CCDC178: variants seen among roughly 807,000 people sequenced by gnomAD.
The protein encoded by CCDC178 is coiled-coil domain-containing protein 178.
A neutral mutation model predicts 117.4 loss-of-function variants in CCDC178; 126 were observed. The ratio of observed to expected loss-of-function variants is 1.07; its 90% confidence interval spans 0.93 to 1.24. The LOEUF (loss-of-function observed/expected upper bound fraction) is 1.24, where lower values mean the gene tolerates loss of function less well. CCDC178 is among the 50% of genes most tolerant of loss of function. The pLI is 0.00. For synonymous variants in CCDC178, 283 were observed against 313.4 expected, an observed-to-expected ratio of 0.90 and a Z score of 1.02; for missense variants, 1,030 against 986.9, an observed-to-expected ratio of 1.04 and a Z score of -0.59.
At chr18:33,329,880 TGTG>T (rs1568151774) in intron 10 of CCDC178, among the ~76,000 whole-genome samples, 539 of 40,290 alleles carry the variant, frequency 0.013, 7 homozygotes, top group African/African-American at 0.027. Context: ...TATTAGAGTG[TGTG>T]TGTGTGTGTG....
At chr18:33,129,931 T>C (rs937341280) in intron 20 of CCDC178, among the ~76,000 whole-genome samples, 1 of 152,008 alleles carries the variant, frequency 6.6e-6, no homozygotes, top group Admixed American at 6.6e-5. Context: ...TTTCATAATA[T>C]AAAAATTATA....
chr18:33,160,239 A>G (rs1009482782), intron 20 of CCDC178, among the ~76,000 whole-genome samples: 3 of 152,148 alleles, frequency 2.0e-5, no homozygotes, highest in African/African-American at 7.2e-5. Context: ...TTTATTATTC[A>G]TCTTCTACGA....
At chr18:33,158,171 A>G (rs1388010573) in intron 20 of CCDC178, among the ~76,000 whole-genome samples, 1 of 152,160 alleles carries the variant, frequency 6.6e-6, no homozygotes, top group African/African-American at 2.4e-5. Context: ...CACTGATCTC[A>G]AGACTTTCCT....
chr18:33,104,382 T>C (rs1439300216), intron 20 of CCDC178, among the ~76,000 whole-genome samples: 2 of 151,830 alleles, frequency 1.3e-5, no homozygotes, highest in African/African-American at 4.8e-5. Context: ...ACCGAATTCA[T>C]GGTTGTTTCT....
intron 11 of CCDC178, among the ~76,000 whole-genome samples, chr18:33,307,855 G>T (rs557874783): frequency 1.3e-5 from 2 of 152,328 alleles, no homozygotes; most frequent in African/African-American, 4.8e-5. Flanking sequence ...CATGGTGTTG[G>T]GCCTGTGGGT....
At chr18:33,264,669 A>G (rs1199422080) in intron 14 of CCDC178, among the ~76,000 whole-genome samples, 1 of 151,986 alleles carries the variant, frequency 6.6e-6, no homozygotes, top group African/African-American at 2.4e-5. Flanking sequence ...TGTTCCCAAT[A>G]ATTCACTACG....
intron 20 of CCDC178, among the ~76,000 whole-genome samples, chr18:33,163,106 C>G (rs1318188531): frequency 6.6e-6 from 1 of 152,072 alleles, no homozygotes; most frequent in Non-Finnish European, 1.5e-5. Flanking sequence ...TATTTTTTGA[C>G]TTTTTAATAA....
Position 33,082,018 on chromosome 18 carries a change from G to A in CCDC178, c.2388+10743C>T, listed in dbSNP as rs190688901. ...GTCACTTATTAACAAACTCTTAAAGGGTCAGACTGTACGAGTAAATTGCTT... is the reference window on the plus strand; with the variant it reads ...GTCACTTATTAACAAACTCTTAAAGAGTCAGACTGTACGAGTAAATTGCTT... On this transcript the variant is annotated intron_variant, in intron 21 of 22. Coordinates refer to ENST00000383096, the MANE Select transcript of CCDC178 (RefSeq NM_001105528.4). 5.8e-4 allele frequency among the ~76,000 whole-genome samples: 88 copies of A among 152,156 alleles called. 2 individuals are homozygous for A. The highest frequency in any genetic ancestry group is 1.8e-3 in the African/African-American group (76 of 41,534).
At chr18:33,393,385 G>A (rs1841210203) in intron 4 of CCDC178, among the ~76,000 whole-genome samples, 1 of 152,006 alleles carries the variant, frequency 6.6e-6, no homozygotes, top group Non-Finnish European at 1.5e-5. Context: ...AGCATACATG[G>A]AAGAAAATGC....
chr18:33,129,244 A>T (rs2058043696), intron 20 of CCDC178, among the ~76,000 whole-genome samples: 1 of 152,154 alleles, frequency 6.6e-6, no homozygotes, highest in Non-Finnish European at 1.5e-5. Context: ...GCAGTGTCAT[A>T]AACTGTGAAA....
intron 10 of CCDC178, among the ~76,000 whole-genome samples, chr18:33,326,885 A>G (rs1235937679): frequency 2.0e-5 from 3 of 151,208 alleles, no homozygotes; most frequent in Non-Finnish European, 3.0e-5. Context: ...CCTTTGCGAA[A>G]ACTCAATTAG....
At chr18:32,997,456 C>A (rs1306402855) in intron 21 of CCDC178, among the ~76,000 whole-genome samples, 1 of 152,180 alleles carries the variant, frequency 6.6e-6, no homozygotes, top group Non-Finnish European at 1.5e-5. Context: ...AGATAGCTTT[C>A]AGGGTCAAGC....
intron 20 of CCDC178, among the ~76,000 whole-genome samples, chr18:33,208,504 C>T (rs1568056939): frequency 6.6e-6 from 1 of 151,990 alleles, no homozygotes; most frequent in African/African-American, 2.4e-5. Flanking sequence ...TTCAAATCTT[C>T]CATCTTCCTG....
chr18:33,379,898 C>A (rs2063419205), intron 5 of CCDC178, among the ~76,000 whole-genome samples: 2 of 152,086 alleles, frequency 1.3e-5, no homozygotes, highest in African/African-American at 4.8e-5. Context: ...AAGGGTAGTA[C>A]AACTCAGGCT....
chr18:33,124,220 C>T (rs1015049354), intron 20 of CCDC178, among the ~76,000 whole-genome samples: 1 of 152,184 alleles, frequency 6.6e-6, no homozygotes, highest in Non-Finnish European at 1.5e-5. Context: ...ATCAAATTAA[C>T]AAGTGCTACT....
intron 15 of CCDC178, among the ~76,000 whole-genome samples, chr18:33,233,583 G>C (rs1427077786): frequency 6.8e-6 from 1 of 147,462 alleles, no homozygotes; most frequent in Admixed American, 6.8e-5. Context: ...GTTAAAGATT[G>C]TTTTTTTTTT....
chr18:33,211,876 CA>C lies in CCDC178; in HGVS notation c.2238+19del. ...TCACTATATTCCTTTCATTTTGAAA[CA>C]TGCAAAAATAATACTCACTTGGGTA... On this transcript the variant is annotated intron_variant, in intron 20 of 22. Transcript: ENST00000383096. The C allele has an allele frequency of 6.3e-7, 1 of 1,585,982 alleles. No homozygotes were observed. Among genetic ancestry groups the C allele is most frequent in the African/African-American group, 1.4e-5 (1 of 73,232 alleles).
rs1329469817 is a variant in CCDC178 at position 33,280,339 on chromosome 18, C to G, written c.1176+12820G>C. 8.6e-5 allele frequency among the ~76,000 whole-genome samples: 13 copies of G among 151,844 alleles called. No individual in the cohort carries two copies. In the South Asian group the frequency reaches 1.9e-3, roughly 22 times the overall value. ...AAAGAAGACATTTATGCAGCCAAAA[C>G]ACACATGAAAAAATGCTCATCATCA... is the stretch of plus-strand genomic sequence containing the variant. On this transcript the variant is annotated intron_variant, in intron 12 of 22. Coordinates refer to ENST00000383096, the MANE Select transcript of CCDC178 (RefSeq NM_001105528.4).
chr18:32,991,334 T>C (rs1440833904), intron 21 of CCDC178, among the ~76,000 whole-genome samples: 1 of 152,106 alleles, frequency 6.6e-6, no homozygotes, highest in African/African-American at 2.4e-5. Flanking sequence ...TGCACACTAA[T>C]GAAAATAAGG....
Sources: allele counts gnomAD v4.1 joint callset (sites outside exome capture counted in the v4.1 genomes callset), GRCh38; gene constraint gnomAD v4.1.1; transcripts MANE v1.5; gene names NCBI Gene and HGNC (gene_info 2026-07-23, HGNC 2026-07-21).